The following GRID2 variants were observed in gnomAD, a reference collection of about 807,000 sequenced individuals.
The protein encoded by GRID2 is glutamate ionotropic receptor delta type subunit 2, also known as glutamate receptor ionotropic, delta-2.
In GRID2, 33 loss-of-function variants were observed where a neutral mutation model predicts 114.8. The observed-to-expected ratio is 0.29, with a 90% confidence interval of 0.22 to 0.38. GRID2 has a LOEUF of 0.38. Among genes scored for constraint, GRID2 ranks in the 10% least tolerant of loss-of-function variants. GRID2 has a pLI of 1.00. For missense variants in GRID2, 1,184 were observed against 1,257.7 expected (o/e 0.94, Z 0.89); for synonymous variants, 505 against 449.9 (o/e 1.12, Z -1.55).
intron 2 of GRID2, among the ~76,000 whole-genome samples, chr4:92,833,467 C>T (rs1349610407): frequency 6.6e-6 from 1 of 152,142 alleles, no homozygotes; most frequent in Non-Finnish European, 1.5e-5. Flanking sequence ...TCATGTTGCC[C>T]TATAGCTCAG....
At chr4:92,536,761 C>A (rs1182385212) in intron 1 of GRID2, among the ~76,000 whole-genome samples, 1 of 152,042 alleles carries the variant, frequency 6.6e-6, no homozygotes, top group Non-Finnish European at 1.5e-5. Context: ...AAATGCAAAT[C>A]GTCTGAGAGA....
chr4:93,320,464 C>T (rs1757095011), intron 8 of GRID2, among the ~76,000 whole-genome samples: 1 of 152,144 alleles, frequency 6.6e-6, no homozygotes, highest in South Asian at 2.1e-4. Context: ...AAAACTGAAT[C>T]AGAAATTCTG....
intron 10 of GRID2, among the ~76,000 whole-genome samples, chr4:93,423,918 GTTAA>G (rs1203429046): frequency 2.0e-5 from 3 of 151,710 alleles, no homozygotes; most frequent in African/African-American, 4.8e-5. Flanking sequence ...TTTTCTTGGG[GTTAA>G]TTAAATATAT....
intron 2 of GRID2, among the ~76,000 whole-genome samples, chr4:92,647,061 TAG>T (rs1255267052): frequency 9.9e-5 from 15 of 152,216 alleles, no homozygotes; most frequent in Non-Finnish European, 1.9e-4. Context: ...AATGATCGGT[TAG>T]AGTGGGACTG....
intron 1 of GRID2, among the ~76,000 whole-genome samples, chr4:92,482,035 A>T (rs56205525): frequency 0.013 from 766 of 57,060 alleles, 36 homozygotes; most frequent in African/African-American, 0.047. Context: ...TATATATATA[A>T]AATAACAATA....
chr4:92,956,150 C>A (rs987774583), intron 2 of GRID2, among the ~76,000 whole-genome samples: 2 of 152,130 alleles, frequency 1.3e-5, no homozygotes, highest in Non-Finnish European at 2.9e-5. Flanking sequence ...TTCCTGTTCC[C>A]ATATTAATAT....
At chr4:92,401,656 T>G (rs1730795684) in intron 1 of GRID2, among the ~76,000 whole-genome samples, 1 of 152,202 alleles carries the variant, frequency 6.6e-6, no homozygotes, top group Admixed American at 6.5e-5. Context: ...TGTCAAAACA[T>G]AATTAACATT....
chr4:93,201,606 A>T (rs988516326), intron 4 of GRID2, among the ~76,000 whole-genome samples: 3 of 152,222 alleles, frequency 2.0e-5, no homozygotes, highest in African/African-American at 7.2e-5. Flanking sequence ...AAAAGGAACA[A>T]GCTTAATTTA....
At chr4:93,421,387 A>G (rs1018545666) in intron 9 of GRID2, among the ~76,000 whole-genome samples, 5 of 152,114 alleles carry the variant, frequency 3.3e-5, no homozygotes, top group Non-Finnish European at 7.4e-5. Context: ...GCAGTAACCT[A>G]CTCTACTAAC....
intron 1 of GRID2, among the ~76,000 whole-genome samples, chr4:92,320,609 G>A (rs1726261170): frequency 6.6e-6 from 1 of 151,806 alleles, no homozygotes. Context: ...CAAGTAACAG[G>A]GATTACAGGC....
intron 13 of GRID2, among the ~76,000 whole-genome samples, chr4:93,596,658 G>GC (rs1739134126): frequency 6.6e-6 from 1 of 152,158 alleles, no homozygotes; most frequent in Non-Finnish European, 1.5e-5. Context: ...TTTTCCAGAT[G>GC]CAAGTAAAAA....
At chr4:92,513,567 A>T (rs10032080) in intron 1 of GRID2, among the ~76,000 whole-genome samples, 6,268 of 151,770 alleles carry the variant, frequency 0.041, 432 homozygotes, top group African/African-American at 0.14. Context: ...TCCCTCTTAT[A>T]CAATATCATA....
intron 2 of GRID2, among the ~76,000 whole-genome samples, chr4:92,641,325 G>A (rs1201413441): frequency 1.3e-5 from 2 of 151,424 alleles, no homozygotes; most frequent in African/African-American, 2.4e-5. Flanking sequence ...ACAGGATCTT[G>A]CACTTTTGCA....
intron 2 of GRID2, among the ~76,000 whole-genome samples, chr4:92,629,946 T>C (rs1387540212): frequency 6.7e-6 from 1 of 148,434 alleles, no homozygotes; most frequent in African/African-American, 2.4e-5. Context: ...TTTTATATTA[T>C]TATATAACAA....
intron 8 of GRID2, among the ~76,000 whole-genome samples, chr4:93,293,865 T>C (rs1754006582): frequency 6.6e-6 from 1 of 152,192 alleles, no homozygotes; most frequent in Admixed American, 6.5e-5. Context: ...AGACCCCAAA[T>C]GATATGGCAG....
intron 2 of GRID2, among the ~76,000 whole-genome samples, chr4:93,053,602 T>C (rs1464518814): frequency 1.3e-5 from 2 of 151,988 alleles, no homozygotes; most frequent in African/African-American, 2.4e-5. Context: ...AAAAGGTTAC[T>C]TTTTCTTAGA....
intron 2 of GRID2, among the ~76,000 whole-genome samples, chr4:92,661,201 C>T (rs1034378749): frequency 6.6e-6 from 1 of 150,652 alleles, no homozygotes; most frequent in African/African-American, 2.4e-5. Flanking sequence ...GAAGTTAGAA[C>T]ATTTAAAAAC....
chr4:92,821,462 T>G (rs1741275232), intron 2 of GRID2, among the ~76,000 whole-genome samples: 1 of 151,962 alleles, frequency 6.6e-6, no homozygotes, highest in Non-Finnish European at 1.5e-5. Context: ...TAGCTGTTTG[T>G]TTTTTTTAAG....
At chr4:93,225,521 G>A (rs1354328795) in intron 7 of GRID2, among the ~76,000 whole-genome samples, 1 of 152,072 alleles carries the variant, frequency 6.6e-6, no homozygotes, top group Admixed American at 6.6e-5. Context: ...TTACACAAAG[G>A]AGACAGACAT....
Sources: allele counts gnomAD v4.1 joint callset (sites outside exome capture counted in the v4.1 genomes callset), GRCh38; gene constraint gnomAD v4.1.1; transcripts MANE v1.5; gene names NCBI Gene and HGNC (gene_info 2026-07-23, HGNC 2026-07-21).